Variants in NLRP5 observed in about 807,000 individuals in gnomAD.
The protein encoded by NLRP5 is NACHT, LRR and PYD domains-containing protein 5.
A neutral mutation model predicts 113.1 loss-of-function variants in NLRP5; 93 were observed. The observed-to-expected ratio is 0.82, with a 90% CI of 0.70 to 0.98. The LOEUF is 0.98. Ranked by LOEUF, NLRP5 falls within the 50% of genes least tolerant of loss-of-function variation. The pLI is 0.00. For missense variants in NLRP5, 1,808 were observed against 1,514.3 expected, an observed-to-expected ratio of 1.19 and a Z score of -3.22; for synonymous variants, 751 against 600.7, an observed-to-expected ratio of 1.25 and a Z score of -3.66.
chr19:56,015,157 T>C (rs1461901362), intron 3 of NLRP5, among the ~76,000 whole-genome samples: 1 of 152,210 alleles, frequency 6.6e-6, no homozygotes, highest in Non-Finnish European at 1.5e-5. Context: ...TATTTTGTTC[T>C]ATGCCATTAT....
chr19:55,992,698 C>T, the NLRP5 span, among the ~76,000 whole-genome samples: 2 of 152,118 alleles, frequency 1.3e-5, no homozygotes, highest in African/African-American at 2.4e-5. Context: ...GCAGGAGCAG[C>T]TAAGCACGGG....
rs1019521373 is a variant in NLRP5 at position 56,018,176 on chromosome 19, C to T, written c.566-1166C>T. ...ATAACCAAGGCGATCTAAAAATTTA[C>T]GCCTGTAACTTGATTCCCATGCTTA... On this transcript the variant is annotated intron_variant, in intron 4 of 14. Coordinates refer to ENST00000390649, the MANE Select transcript of NLRP5 (RefSeq NM_153447.4). Among the ~76,000 whole-genome samples the T allele has an allele frequency of 1.8e-4, 28 of 152,266 alleles. 1 individual carries two copies. The highest frequency in any genetic ancestry group is 1.0e-3 in the South Asian group (5 of 4,830).
intron 2 of NLRP5, among the ~76,000 whole-genome samples, chr19:56,006,711 G>A (rs1232593884): frequency 1.3e-5 from 2 of 151,692 alleles, no homozygotes; most frequent in Admixed American, 1.3e-4. Flanking sequence ...CAGCCTGGGT[G>A]ACAGAGCGAG....
chr19:56,034,289 G>A (rs1251692027), intron 9 of NLRP5, among the ~76,000 whole-genome samples: 1 of 152,196 alleles, frequency 6.6e-6, no homozygotes, highest in Non-Finnish European at 1.5e-5. Flanking sequence ...GGGAGGCTGA[G>A]TCAGGAGAAT....
intron 4 of NLRP5, among the ~76,000 whole-genome samples, chr19:56,016,317 C>T (rs1421972521): frequency 6.6e-6 from 1 of 152,048 alleles, no homozygotes; most frequent in Non-Finnish European, 1.5e-5. Context: ...CCACGCCCAG[C>T]TAATTTTGTA....
intron 10 of NLRP5, among the ~76,000 whole-genome samples, chr19:56,039,556 C>A (rs771403984): frequency 1.3e-5 from 2 of 152,138 alleles, no homozygotes; most frequent in South Asian, 4.1e-4. Flanking sequence ...GTTCTCTTTA[C>A]GGGAAAACAC....
chr19:56,001,159 C>CTTT (rs34070550), intron 1 of NLRP5, among the ~76,000 whole-genome samples: 2 of 142,094 alleles, frequency 1.4e-5, no homozygotes, highest in African/African-American at 5.2e-5. Context: ...CTTGTCTCTA[C>CTTT]TTTTTTTTTT....
chr19:56,023,515 A>G (rs139051686), intron 6 of NLRP5, among the ~76,000 whole-genome samples: 237 of 152,354 alleles, frequency 1.6e-3, no homozygotes, highest in African/African-American at 5.4e-3. Flanking sequence ...AATTTGCTAC[A>G]TGCTGAGCGG....
At chr19:56,051,292 G>A (rs1223256434) in intron 12 of NLRP5, among the ~76,000 whole-genome samples, 3 of 152,054 alleles carry the variant, frequency 2.0e-5, no homozygotes, top group Non-Finnish European at 2.9e-5. Context: ...TTCCAGGTTT[G>A]AGCGATTTTT....
At chr19:56,052,974 G>C (rs894063286) in intron 12 of NLRP5, among the ~76,000 whole-genome samples, 1 of 152,242 alleles carries the variant, frequency 6.6e-6, no homozygotes, top group Non-Finnish European at 1.5e-5. Flanking sequence ...GCACATGCCT[G>C]TAATCCCAGC....
chr19:56,017,719 C>T (rs1026130665), intron 4 of NLRP5, among the ~76,000 whole-genome samples: 1 of 152,184 alleles, frequency 6.6e-6, no homozygotes, highest in African/African-American at 2.4e-5. Context: ...GGCATGTTTT[C>T]TGCTGTTGGG....
At chr19:55,995,666 A>G (rs147731407), upstream of NLRP5, among the ~76,000 whole-genome samples, 671 of 152,286 alleles carry the variant, frequency 4.4e-3, 6 homozygotes, top group Middle Eastern at 0.02. Flanking sequence ...TTGAATCTGT[A>G]GATTGTTTTG....
intron 11 of NLRP5, among the ~76,000 whole-genome samples, chr19:56,048,021 T>C (rs2123332346): frequency 6.6e-6 from 1 of 152,372 alleles, no homozygotes; most frequent in South Asian, 2.1e-4. Flanking sequence ...GTTTGTTTCA[T>C]CTGATCTAAG....
the NLRP5 span, chr19:55,987,811 C>T: frequency 1.2e-6 from 2 of 1,612,230 alleles, no homozygotes; most frequent in Admixed American, 1.7e-5. Context: ...TACCTCCCTC[C>T]AGCTGTATTC....
At chr19:56,008,989 C>T (rs76148349) in intron 3 of NLRP5, 136 bp downstream of exon 3, 48,418 of 752,606 alleles carry the variant, frequency 0.064, 2,083 homozygotes, top group East Asian at 0.19. Context: ...ATTAGCTGAC[C>T]GGATGGGTTC....
the NLRP5 span, chr19:55,988,069 G>T: frequency 1.6e-6 from 1 of 612,400 alleles, no homozygotes; most frequent in Non-Finnish European, 3.0e-6. Flanking sequence ...GAACCCTGGA[G>T]TGAGGACGGT....
At position 56,003,907 on chromosome 19, in the gene NLRP5, A is replaced by G; in HGVS notation, c.254A>G (p.Lys85Arg). 6.2e-7 allele frequency: 1 copy of G among 1,614,034 alleles called. No homozygotes were observed. ...TTTCAGACATTCAAGGAATTACTAA[A>G]GAAGAAATCTTCAGAATCGACCACA... The change falls in exon 2 of 15, where the codon AAG (lysine) becomes AGG (arginine). Residue 85 changes from lysine (K) to arginine (R), a missense_variant. Lys to Arg is a conservative substitution (Grantham distance 26). Coordinates refer to ENST00000390649, the MANE Select transcript of NLRP5 (RefSeq NM_153447.4).
upstream of NLRP5, among the ~76,000 whole-genome samples, chr19:55,997,815 A>T (rs188446261): frequency 1.3e-3 from 196 of 151,960 alleles, 1 homozygote; most frequent in Admixed American, 6.6e-3. Flanking sequence ...GTGAGCTGAG[A>T]TTGCACCACT....
At position 56,041,107 on chromosome 19, in the gene NLRP5, C is replaced by T. The variant is rs374719472; in HGVS notation, c.2957+15C>T. Reference sequence around the variant, plus strand: ...CAGAGGCTGATGTGAGTCTGGCTTGCTCCCCTGCAAGGACTTCCTAGCTTT... The same window carrying T: ...CAGAGGCTGATGTGAGTCTGGCTTGTTCCCCTGCAAGGACTTCCTAGCTTT... On this transcript the variant is annotated intron_variant, in intron 11 of 14. Transcript: ENST00000390649. 9.9e-6 allele frequency: 16 copies of T among 1,612,722 alleles called. No homozygotes were observed. The highest frequency in any genetic ancestry group is 1.7e-4 in the Middle Eastern group (1 of 6,052).
Sources: gnomAD v4.1 joint callset for allele counts (sites outside exome capture counted in the v4.1 genomes callset) on GRCh38, gnomAD v4.1.1 for gene constraint, MANE v1.5 for transcripts, NCBI Gene and HGNC (gene_info 2026-07-23, HGNC 2026-07-21) for gene names.